PDZD2: variants seen among roughly 807,000 people sequenced by gnomAD.
The protein encoded by PDZD2 is PDZ domain containing 2, also known as PDZ domain-containing protein 2.
A neutral mutation model predicts 220.7 loss-of-function variants in PDZD2; 90 were observed. That is an observed-to-expected ratio of 0.41 (90% CI 0.34 to 0.49). The LOEUF (loss-of-function observed/expected upper bound fraction) is 0.49, where lower values mean the gene tolerates loss of function less well. Ranked by LOEUF, PDZD2 falls within the 20% of genes least tolerant of loss-of-function variation. The pLI is 0.28. For synonymous variants in PDZD2, 1,375 were observed against 1,450.5 expected, an observed-to-expected ratio of 0.95 and a Z score of 1.18; for missense variants, 3,174 against 3,608.5, an observed-to-expected ratio of 0.88 and a Z score of 3.08.
At chr5:31,702,791 AGT>A (rs1323389446) in intron 1 of PDZD2, among the ~76,000 whole-genome samples, 3 of 152,214 alleles carry the variant, frequency 2.0e-5, no homozygotes, top group African/African-American at 4.8e-5. Context: ...CCTGGTTGAT[AGT>A]GTGTTTACTG....
chr5:31,994,238 C>G (rs1210699869), intron 3 of PDZD2, among the ~76,000 whole-genome samples: 1 of 151,738 alleles, frequency 6.6e-6, no homozygotes, highest in Admixed American at 6.6e-5. Flanking sequence ...AACTCCTGAC[C>G]TCTGGTGATC....
At chr5:31,775,781 G>A (rs1457416598) in intron 1 of PDZD2, among the ~76,000 whole-genome samples, 2 of 151,804 alleles carry the variant, frequency 1.3e-5, no homozygotes, top group Non-Finnish European at 2.9e-5. Flanking sequence ...TGTGCTGAGA[G>A]CCTAGTAGGT....
intron 1 of PDZD2, among the ~76,000 whole-genome samples, chr5:31,643,810 T>TG: frequency 6.6e-6 from 1 of 151,568 alleles, no homozygotes; most frequent in Non-Finnish European, 1.5e-5. Context: ...TAAATGAAAT[T>TG]GGGGAAAATG....
intron 2 of PDZD2, chr5:31,847,384 A>G: frequency 4.5e-6 from 2 of 448,968 alleles, no homozygotes; most frequent in Non-Finnish European, 8.4e-6. Flanking sequence ...GCTTGGTGAT[A>G]GAGGATAAAA....
intron 1 of PDZD2, among the ~76,000 whole-genome samples, chr5:31,798,336 A>C (rs1169279559): frequency 6.6e-6 from 1 of 152,220 alleles, no homozygotes; most frequent in East Asian, 1.9e-4. Context: ...CTGAATCTAC[A>C]GGATGGCGAA....
rs557266427 is a variant in PDZD2, at chr5:31,800,849, G to A, written c.476+1125G>A. Among the ~76,000 whole-genome samples the A allele has an allele frequency of 2.6e-5, 4 of 152,314 alleles. No individual in the cohort carries two copies. The South Asian group carries it at 6.2e-4, about 24-fold the overall frequency. On this transcript the variant is annotated intron_variant, in intron 2 of 24. Transcript: ENST00000438447. ...TATGTCCTAGAAGGAGAGAATCATG[G>A]AGAGAAGGCCACCTTGAGAAACGTA...
intron 2 of PDZD2, among the ~76,000 whole-genome samples, chr5:31,857,670 T>C (rs62361579): frequency 0.042 from 6,378 of 152,242 alleles, 156 homozygotes; most frequent in Non-Finnish European, 0.054. Flanking sequence ...CCTCTAATAT[T>C]CTCTCTGTTG....
At chr5:31,739,498 A>T (rs552180827) in intron 1 of PDZD2, among the ~76,000 whole-genome samples, 12 of 152,334 alleles carry the variant, frequency 7.9e-5, no homozygotes, top group Non-Finnish European at 5.9e-5. Context: ...TATATGATAA[A>T]ATGTTTAAGA....
chr5:32,107,375 C>G (rs1045264379), intron 24 of PDZD2: 1 of 151,972 alleles, frequency 6.6e-6, no homozygotes, highest in Admixed American at 6.6e-5. Context: ...GGCAACATGG[C>G]AAGACCCCAT....
intron 2 of PDZD2, among the ~76,000 whole-genome samples, chr5:31,846,941 T>C (rs906904272): frequency 1.3e-5 from 2 of 152,240 alleles, no homozygotes; most frequent in South Asian, 2.1e-4. Flanking sequence ...ATCTGTCCTT[T>C]AGAGTAATTT....
chr5:31,872,595 C>A (rs1193229127), intron 2 of PDZD2, among the ~76,000 whole-genome samples: 1 of 152,222 alleles, frequency 6.6e-6, no homozygotes, highest in African/African-American at 2.4e-5. Context: ...CCTTCCTCCC[C>A]CAAGGCAGGC....
chr5:31,643,072 A>G (rs1427996132), intron 1 of PDZD2, among the ~76,000 whole-genome samples: 1 of 152,192 alleles, frequency 6.6e-6, no homozygotes, highest in African/African-American at 2.4e-5. Flanking sequence ...GCTACTTCAC[A>G]GGGTTGTTCT....
chr5:31,698,090 G>A (rs1007959027), intron 1 of PDZD2, among the ~76,000 whole-genome samples: 3 of 148,040 alleles, frequency 2.0e-5, no homozygotes, highest in African/African-American at 7.5e-5. Context: ...GTATTTTTTA[G>A]TAGAGACGGG....
chr5:31,718,975 C>G (rs1346473190), intron 1 of PDZD2, among the ~76,000 whole-genome samples: 1 of 152,176 alleles, frequency 6.6e-6, no homozygotes, highest in Admixed American at 6.5e-5. Context: ...ACTGGGATTA[C>G]AGGTGTGAGC....
chr5:31,975,969 A>AT (rs1264967915), intron 2 of PDZD2, among the ~76,000 whole-genome samples: 1 of 151,612 alleles, frequency 6.6e-6, no homozygotes, highest in Non-Finnish European at 1.5e-5. Context: ...ACACCTGTTA[A>AT]TTTTTTGTAG....
chr5:31,739,630 T>A (rs1750131116), intron 1 of PDZD2, among the ~76,000 whole-genome samples: 1 of 152,212 alleles, frequency 6.6e-6, no homozygotes, highest in African/African-American at 2.4e-5. Context: ...CAAGACACTA[T>A]TGTAAGCCAT....
intron 1 of PDZD2, among the ~76,000 whole-genome samples, chr5:31,702,101 C>A (rs775639275): frequency 2.6e-5 from 4 of 152,250 alleles, no homozygotes; most frequent in Non-Finnish European, 4.4e-5. Context: ...CCCAACATCC[C>A]CAACCCTGGC....
intron 2 of PDZD2, among the ~76,000 whole-genome samples, chr5:31,867,486 G>T (rs1382073539): frequency 6.6e-6 from 1 of 152,316 alleles, no homozygotes; most frequent in Middle Eastern, 3.4e-3. Context: ...GGTGAGGGCT[G>T]CTGGCAGAGC....
At chr5:31,829,560 A>G (rs1051628350) in intron 2 of PDZD2, among the ~76,000 whole-genome samples, 13 of 151,490 alleles carry the variant, frequency 8.6e-5, no homozygotes, top group Admixed American at 7.2e-4. Flanking sequence ...CAGATGATCC[A>G]CCCGCCTCGG....
Sources: allele counts gnomAD v4.1 joint callset (sites outside exome capture counted in the v4.1 genomes callset), GRCh38; gene constraint gnomAD v4.1.1; transcripts MANE v1.5; gene names NCBI Gene and HGNC (gene_info 2026-07-23, HGNC 2026-07-21).